The following RABEP1 variants were observed in gnomAD, a reference collection of about 807,000 sequenced individuals.
The protein encoded by RABEP1 is rab GTPase-binding effector protein 1.
A neutral mutation model predicts 123.4 loss-of-function variants in RABEP1; 51 were observed. The ratio of observed to expected loss-of-function variants is 0.41; its 90% CI spans 0.33 to 0.52. The LOEUF (loss-of-function observed/expected upper bound fraction) is 0.52. Among genes scored for constraint, RABEP1 ranks in the 20% least tolerant of loss-of-function variants. The pLI is 0.16. For missense variants in RABEP1, 888 were observed against 996.3 expected (o/e 0.89, Z 1.46); for synonymous variants, 347 against 355.2 (o/e 0.98, Z 0.26).
chr17:5,334,624 A>G (rs1014777742), intron 3 of RABEP1, among the ~76,000 whole-genome samples: 1 of 152,256 alleles, frequency 6.6e-6, no homozygotes, highest in East Asian at 1.9e-4. Flanking sequence ...TCTGCCTCCC[A>G]CAGTGCTAGG....
At chr17:5,374,639 T>A (rs1004945487) in intron 13 of RABEP1, among the ~76,000 whole-genome samples, 6 of 149,352 alleles carry the variant, frequency 4.0e-5, no homozygotes, top group Admixed American at 6.6e-5. Flanking sequence ...TATTATTTTT[T>A]ATTTTATTTT....
intron 3 of RABEP1, among the ~76,000 whole-genome samples, chr17:5,334,050 G>GTTT (rs574483910): frequency 2.2e-5 from 3 of 138,742 alleles, no homozygotes; most frequent in Non-Finnish European, 3.2e-5. Flanking sequence ...TTACCTAGTG[G>GTTT]TTTTTTTTTT....
intron 6 of RABEP1, 30 bp downstream of exon 6, chr17:5,346,955 C>A: frequency 6.6e-7 from 1 of 1,509,320 alleles, no homozygotes. Flanking sequence ...TTATCTTTGT[C>A]TCTAAGAACC....
At chr17:5,322,597 A>G (rs946490763) in intron 2 of RABEP1, among the ~76,000 whole-genome samples, 11 of 152,194 alleles carry the variant, frequency 7.2e-5, no homozygotes, top group Non-Finnish European at 1.3e-4. Context: ...ACAAAGAGAC[A>G]TCAGAATTAA....
intron 5 of RABEP1, among the ~76,000 whole-genome samples, chr17:5,346,463 C>T (rs1047820100): frequency 4.6e-5 from 7 of 152,134 alleles, no homozygotes; most frequent in Admixed American, 2.6e-4. Flanking sequence ...CCTGGTGTTA[C>T]TGTTATGGCT....
At chr17:5,373,539 C>A in intron 13 of RABEP1, 85 bp downstream of exon 13, 2 of 1,402,942 alleles carry the variant, frequency 1.4e-6, no homozygotes, top group South Asian at 1.4e-5. Flanking sequence ...CAGTTTTATT[C>A]AGATATAATT....
chr17:5,283,125 G>A (rs2074944505), intron 1 of RABEP1, among the ~76,000 whole-genome samples: 1 of 151,956 alleles, frequency 6.6e-6, no homozygotes, highest in Non-Finnish European at 1.5e-5. Context: ...TTGAGCCTCA[G>A]TATTCTCACC....
At chr17:5,370,898 C>T (rs1046719959) in intron 12 of RABEP1, among the ~76,000 whole-genome samples, 1 of 151,588 alleles carries the variant, frequency 6.6e-6, no homozygotes, top group African/African-American at 2.4e-5. Flanking sequence ...GTACTGTGTT[C>T]AAATGTTAGT....
intron 7 of RABEP1, among the ~76,000 whole-genome samples, chr17:5,352,556 C>T (rs971284705): frequency 2.0e-5 from 3 of 150,486 alleles, no homozygotes; most frequent in Non-Finnish European, 4.4e-5. Flanking sequence ...CTTGGCCGGG[C>T]GCGGATGGTC....
intron 2 of RABEP1, among the ~76,000 whole-genome samples, chr17:5,322,996 A>G (rs967438130): frequency 2.0e-5 from 3 of 152,108 alleles, no homozygotes; most frequent in Non-Finnish European, 4.4e-5. Context: ...GAATTGCTTG[A>G]ACCTGGGAGA....
intron 13 of RABEP1, among the ~76,000 whole-genome samples, chr17:5,374,783 C>T (rs1306864650): frequency 6.6e-6 from 1 of 152,142 alleles, no homozygotes. Context: ...GGACAACAGG[C>T]GCGTGCCACT....
chr17:5,308,891 A>C, intron 2 of RABEP1, 69 bp downstream of exon 2: 1 of 1,378,962 alleles, frequency 7.3e-7, no homozygotes, highest in South Asian at 1.5e-5. Context: ...TCTTGGTAGT[A>C]GTGTTAATTT....
intron 1 of RABEP1, among the ~76,000 whole-genome samples, chr17:5,296,996 C>T (rs1437574172): frequency 6.7e-6 from 1 of 149,914 alleles, no homozygotes; most frequent in African/African-American, 2.4e-5. Context: ...CCTCAGCTTC[C>T]ATGAGTGCTG....
At chr17:5,287,460 A>G (rs536688845) in intron 1 of RABEP1, among the ~76,000 whole-genome samples, 5 of 152,044 alleles carry the variant, frequency 3.3e-5, no homozygotes, top group South Asian at 4.1e-4. Flanking sequence ...TTAGTCAGAC[A>G]TGGTGGCACG....
At chr17:5,362,846 C>A in intron 9 of RABEP1, 66 bp from the exon 10 acceptor site, 1 of 1,046,156 alleles carries the variant, frequency 9.6e-7, no homozygotes, top group Non-Finnish European at 1.5e-6. Context: ...AGACTATGCA[C>A]GTGTACCTCA....
chr17:5,352,758 G>T (rs1470126967), intron 7 of RABEP1, among the ~76,000 whole-genome samples: 1 of 152,006 alleles, frequency 6.6e-6, no homozygotes, highest in Non-Finnish European at 1.5e-5. Context: ...TTGAACCCAG[G>T]AGGCGGAGGT....
In RABEP1 at chr17:5,385,245, T is replaced by C. The variant is rs899881313; in HGVS notation, c.*2022T>C. ...TCACTGTCCAGGTAGGAAACAATTC[T>C]TTCAACTGGGTTTTCAGCATAAATG... On this transcript the variant is annotated 3_prime_UTR_variant, in exon 18 of 18. Transcript: ENST00000537505. 4.3e-6 allele frequency: 1 copy of C among 230,458 alleles called. No individual in the cohort carries two copies. Among genetic ancestry groups the C allele is most frequent in the African/African-American group, 2.2e-5 (1 of 45,206 alleles). 14.3% of individuals were successfully genotyped at this position (230,458 alleles called of 1,614,324 possible). A position where few individuals can be genotyped will look rare whatever the true frequency, so the allele number is the denominator to read the frequency against.
In RABEP1 at chr17:5,306,341, T is replaced by C. The variant is rs199922061; in HGVS notation, c.35-2353T>C. Among the ~76,000 whole-genome samples, 61 of 152,182 alleles carry C rather than the reference T, an allele frequency of 4.0e-4. 2 individuals are homozygous for C. In the East Asian group the frequency reaches 0.01, roughly 26 times the overall value. ...TTGTTCACGATGCTATAAAGATACA[T>C]GGTAGGCCGGGCACGGTGGCTCATG... On this transcript the variant is annotated intron_variant, in intron 1 of 17. Transcript: ENST00000537505.
At chr17:5,300,301 A>G (rs186587875) in intron 1 of RABEP1, among the ~76,000 whole-genome samples, 25 of 152,304 alleles carry the variant, frequency 1.6e-4, no homozygotes, top group African/African-American at 5.8e-4. Flanking sequence ...TTTAAGAAGT[A>G]CTGGTCAGGT....
Sources: gnomAD v4.1 joint callset for allele counts (sites outside exome capture counted in the v4.1 genomes callset) on GRCh38, gnomAD v4.1.1 for gene constraint, MANE v1.5 for transcripts, NCBI Gene and HGNC (gene_info 2026-07-23, HGNC 2026-07-21) for gene names.